WWP2: variants seen among roughly 807,000 people sequenced by gnomAD.
The protein encoded by WWP2 is NEDD4-like E3 ubiquitin-protein ligase WWP2.
In WWP2, 57 loss-of-function variants were observed where a neutral mutation model predicts 121.0. The observed-to-expected ratio is 0.47, with a 90% CI of 0.38 to 0.59. The LOEUF is 0.59. Among genes scored for constraint, WWP2 ranks in the 20% least tolerant of loss-of-function variants. The pLI is 0.00. For synonymous variants in WWP2, 449 were observed against 441.3 expected (o/e 1.02, Z -0.22); for missense variants, 962 against 1,158.9 (o/e 0.83, Z 2.47).
chr16:69,763,502 G>A (rs1029516657), intron 1 of WWP2, among the ~76,000 whole-genome samples: 1 of 152,214 alleles, frequency 6.6e-6, no homozygotes, highest in Non-Finnish European at 1.5e-5. Flanking sequence ...ATCGTTTTGG[G>A]TTACAAGTAG....
chr16:69,841,936 A>G (rs928841949), intron 5 of WWP2, 88 bp from the exon 6 acceptor site: 6 of 1,335,374 alleles, frequency 4.5e-6, no homozygotes, highest in Non-Finnish European at 6.3e-6. Flanking sequence ...TAACACACAG[A>G]CGGAGTTCTG....
At chr16:69,918,627 T>C (rs915783936) in intron 10 of WWP2, among the ~76,000 whole-genome samples, 1 of 152,236 alleles carries the variant, frequency 6.6e-6, no homozygotes, top group African/African-American at 2.4e-5. Context: ...CCTCCTTCTT[T>C]CTGATGCTTG....
intron 6 of WWP2, among the ~76,000 whole-genome samples, chr16:69,845,913 G>A (rs3827940): frequency 1.8e-5 from 1 of 56,850 alleles, no homozygotes; most frequent in African/African-American, 6.2e-5. Flanking sequence ...AGCCAGGCAT[G>A]GTGGTGTGTG....
intron 1 of WWP2, among the ~76,000 whole-genome samples, chr16:69,774,332 T>G (rs990077760): frequency 7.2e-5 from 11 of 152,050 alleles, no homozygotes; most frequent in African/African-American, 2.7e-4. Context: ...CATAGCTCAC[T>G]GCAGCCTAGA....
rs1312508210 is a variant in WWP2 at position 69,847,246 on chromosome 16, G to A, written c.575+5126G>A. Among the ~76,000 whole-genome samples, 6 of 151,748 alleles carry A rather than the reference G, an allele frequency of 4.0e-5. No individual in the cohort carries two copies. The South Asian group carries it at 6.3e-4, about 16-fold the overall frequency. ...ACTACAGGCACATGCCACCATGCCC[G>A]ACTAATTTTTGCATTTTTAGTAGAG... On this transcript the variant is annotated intron_variant, in intron 6 of 23. Transcript: ENST00000359154.
At chr16:69,861,288 A>T (rs2057413823) in intron 6 of WWP2, among the ~76,000 whole-genome samples, 1 of 152,016 alleles carries the variant, frequency 6.6e-6, no homozygotes, top group Non-Finnish European at 1.5e-5. Flanking sequence ...GCATTTGAGC[A>T]CTCTTCTCAG....
At chr16:69,802,624 A>G (rs1026640453) in intron 4 of WWP2, among the ~76,000 whole-genome samples, 3 of 144,034 alleles carry the variant, frequency 2.1e-5, no homozygotes, top group African/African-American at 8.1e-5. Flanking sequence ...TTTTTGAGAC[A>G]GGGTCTCGCA....
intron 4 of WWP2, among the ~76,000 whole-genome samples, chr16:69,830,018 G>A (rs889267959): frequency 1.3e-5 from 2 of 151,154 alleles, no homozygotes; most frequent in African/African-American, 2.4e-5. Context: ...GCAGTGGCGC[G>A]ATGTTGGGTC....
At chr16:69,853,366 T>C (rs2057252963) in intron 6 of WWP2, among the ~76,000 whole-genome samples, 1 of 152,178 alleles carries the variant, frequency 6.6e-6, no homozygotes, top group East Asian at 1.9e-4. Context: ...AACCGCTTTA[T>C]GTATTTGAAG....
intron 4 of WWP2, among the ~76,000 whole-genome samples, chr16:69,818,300 C>T (rs536609915): frequency 6.6e-5 from 10 of 151,948 alleles, no homozygotes; most frequent in South Asian, 4.2e-4. Context: ...CTCTGCCTCC[C>T]GGGTTCAAGC....
intron 8 of WWP2, among the ~76,000 whole-genome samples, chr16:69,895,450 T>C (rs1310909230): frequency 6.6e-6 from 1 of 152,234 alleles, no homozygotes; most frequent in Non-Finnish European, 1.5e-5. Flanking sequence ...CACATGTGGA[T>C]ATTACAGCAA....
At chr16:69,779,202 C>T (rs921570263) in intron 1 of WWP2, among the ~76,000 whole-genome samples, 12 of 152,100 alleles carry the variant, frequency 7.9e-5, no homozygotes, top group Admixed American at 3.3e-4. Context: ...CCACCTGCCT[C>T]GGCCTCCCGA....
intron 1 of WWP2, among the ~76,000 whole-genome samples, chr16:69,780,319 A>T (rs1047345532): frequency 6.6e-6 from 1 of 151,304 alleles, no homozygotes; most frequent in Non-Finnish European, 1.5e-5. Context: ...TTAAATTCAT[A>T]TATTTCAGGT....
chr16:69,916,962 G>A (rs951080383), intron 9 of WWP2, among the ~76,000 whole-genome samples: 4 of 152,108 alleles, frequency 2.6e-5, no homozygotes, highest in Admixed American at 6.6e-5. Context: ...CCAGGAGTTC[G>A]AGACCAGTCT....
At chr16:69,912,089 A>G (rs1421382576) in intron 9 of WWP2, among the ~76,000 whole-genome samples, 2 of 152,072 alleles carry the variant, frequency 1.3e-5, no homozygotes, top group African/African-American at 4.8e-5. Flanking sequence ...GGAGATTGAG[A>G]CCATCCTGGC....
chr16:69,814,142 A>T (rs974769821), intron 4 of WWP2, among the ~76,000 whole-genome samples: 8 of 152,132 alleles, frequency 5.3e-5, no homozygotes, highest in African/African-American at 1.7e-4. Context: ...GGTACCTTGC[A>T]TACCAAATGT....
At chr16:69,771,070 C>G (rs1232172127) in intron 1 of WWP2, among the ~76,000 whole-genome samples, 4 of 151,790 alleles carry the variant, frequency 2.6e-5, no homozygotes, top group Admixed American at 2.6e-4. Flanking sequence ...GTAACTTGCT[C>G]TGGATCACTC....
In WWP2 at chr16:69,887,897, T is replaced by G. The variant is rs1289410953; in HGVS notation, c.704-142T>G. Reference sequence around the variant, plus strand: ...TTGCTGTACTTTTCAAAGTCATGTTTTGTAAAACTTTTTGCTGTCGCCCAA... The same window carrying G: ...TTGCTGTACTTTTCAAAGTCATGTTGTGTAAAACTTTTTGCTGTCGCCCAA... On this transcript the variant is annotated intron_variant, in intron 7 of 23. Transcript: ENST00000359154. The G allele has an allele frequency of 3.2e-6, 3 of 931,582 alleles. No homozygotes were observed. In the African/African-American group the frequency reaches 5.0e-5, roughly 16 times the overall value. 57.7% of individuals were successfully genotyped at this position (931,582 alleles called of 1,614,324 possible). A position where few individuals can be genotyped will look rare whatever the true frequency, so the allele number is the denominator to read the frequency against.
intron 6 of WWP2, among the ~76,000 whole-genome samples, chr16:69,844,180 C>T (rs902605374): frequency 5.9e-5 from 9 of 152,032 alleles, no homozygotes; most frequent in African/African-American, 1.9e-4. Context: ...TCATGTTTTC[C>T]GTGTCTCGGT....
Sources: gnomAD v4.1 joint callset for allele counts (sites outside exome capture counted in the v4.1 genomes callset) on GRCh38, gnomAD v4.1.1 for gene constraint, MANE v1.5 for transcripts, NCBI Gene and HGNC (gene_info 2026-07-23, HGNC 2026-07-21) for gene names.